The following DRP2 variants were observed in gnomAD, a reference collection of about 807,000 sequenced individuals.
DRP2 encodes dystrophin-related protein 2.
A neutral mutation model predicts 78.2 loss-of-function variants in DRP2; 29 were observed. That is an observed-to-expected ratio of 0.37 (90% CI 0.28 to 0.51). DRP2 has a LOEUF of 0.51. DRP2 is among the 20% of genes least tolerant of loss of function. The pLI is 0.94. For missense variants in DRP2, 686 were observed against 770.6 expected (o/e 0.89, Z 1.30); for synonymous variants, 290 against 281.9 (o/e 1.03, Z -0.29).
At chrX:101,255,111 G>T in intron 19 of DRP2, 73 bp from the exon 20 acceptor site, 3 of 1,119,090 alleles carry the variant, frequency 2.7e-6, no homozygotes, top group Non-Finnish European at 3.7e-6. Flanking sequence ...ATCCTGCTGT[G>T]AGATTAAAGT....
At position 101,254,648 on chromosome X, in the gene DRP2, A is replaced by T. The variant is rs376257298; in HGVS notation, c.2114+87A>T. On this transcript the variant is annotated intron_variant, in intron 18 of 23. Coordinates refer to ENST00000395209, the MANE Select transcript of DRP2 (RefSeq NM_001939.3). ...GAAGGGGCTGAGTCCCGAGTGGGCT[A>T]GGAGAATGTTCCAAGGTAAATCCCA... 2.7e-4 allele frequency: 319 copies of T among 1,164,057 alleles called. 5 individuals carry two copies. In the East Asian group the frequency reaches 3.9e-3, roughly 14 times the overall value.
intron 12 of DRP2, among the ~76,000 whole-genome samples, 182 bp downstream of exon 12, chrX:101,247,346 G>A (rs776909626): frequency 9.0e-6 from 1 of 111,209 alleles, no homozygotes; most frequent in African/African-American, 3.3e-5. Flanking sequence ...TTCCACTCTC[G>A]CTAGGCCCCA....
intron 15 of DRP2, 81 bp downstream of exon 15, chrX:101,250,661 G>A (rs1259648043): frequency 1.3e-5 from 14 of 1,114,996 alleles, no homozygotes; most frequent in Middle Eastern, 2.5e-4. Flanking sequence ...CTACGAGCTA[G>A]GCTTTTGATC....
intron 1 of DRP2, among the ~76,000 whole-genome samples, chrX:101,221,976 A>G (rs1569507371): frequency 1.8e-5 from 2 of 112,416 alleles, no homozygotes; most frequent in African/African-American, 6.5e-5. Context: ...TCCTTCTAGG[A>G]TAGCATTTAC....
chrX:101,229,236 G>A (rs1250266702), intron 2 of DRP2, among the ~76,000 whole-genome samples: 1 of 112,141 alleles, frequency 8.9e-6, no homozygotes, highest in East Asian at 2.8e-4. Flanking sequence ...GCCTCTTGTA[G>A]CCTTTATGCT....
rs768987957 is a variant in DRP2, at chrX:101,231,754, C to T, written c.107C>T (p.Pro36Leu). 11 of 1,203,563 alleles carry T rather than the reference C, an allele frequency of 9.1e-6. No individual in the cohort carries two copies. In the Admixed American group the frequency reaches 2.4e-4, roughly 27 times the overall value. The change falls in exon 3 of 24, where the codon CCC (proline) becomes CTC (leucine). Residue 36 changes from proline to leucine, a missense_variant. Physicochemically the swap from Pro to Leu is moderately conservative, Grantham distance 98. Around this residue, in one of 2 missense-constraint regions of DRP2, gnomAD observed 263 missense variants for 239.1 expected, o/e 1.10. Coordinates refer to ENST00000395209, the MANE Select transcript of DRP2 (RefSeq NM_001939.3). ...HHSSSLRSTC[P>L]HPQVRAAVTS... ...AGCAGCAGCCTCCGAAGCACCTGCCCCCACCCTCAGGTAAGAGTCTGATAG... is the reference window on the plus strand; with the variant it reads ...AGCAGCAGCCTCCGAAGCACCTGCCTCCACCCTCAGGTAAGAGTCTGATAG...
chrX:101,223,694 T>C (rs1921972727), intron 1 of DRP2, among the ~76,000 whole-genome samples: 1 of 112,479 alleles, frequency 8.9e-6, no homozygotes, highest in Non-Finnish European at 1.9e-5. Flanking sequence ...TTTTCTCCCA[T>C]GGGGATGCAT....
At position 101,256,130 on chromosome X, in the gene DRP2, G is replaced by A; in HGVS notation, c.2259G>A (p.Gln753=). The change falls in exon 21 of 24, where the codon CAG becomes CAA. Residue 753 remains glutamine, a synonymous_variant. Coordinates refer to ENST00000395209, the MANE Select transcript of DRP2 (RefSeq NM_001939.3). ...CACACCCATGCAGAGACGAGGACCAGTACCTGCTGCGGCACTCCAGCCCCA... is the reference window on the plus strand; with the variant it reads ...CACACCCATGCAGAGACGAGGACCAATACCTGCTGCGGCACTCCAGCCCCA... ...LSPDDSIDED[Q]YLLRHSSPIT... is the part of the protein sequence containing the mutation. 1 of 1,195,657 alleles carries A rather than the reference G, an allele frequency of 8.4e-7. No homozygotes were observed. The highest frequency in any genetic ancestry group is 1.7e-5 in the African/African-American group (1 of 57,295).
At chrX:101,255,360 T>A in intron 20 of DRP2, 111 bp downstream of exon 20, 2 of 779,126 alleles carry the variant, frequency 2.6e-6, no homozygotes, top group South Asian at 4.9e-5. Context: ...GTGGTTAGGA[T>A]CCTTAGCTCC....
chrX:101,264,011 A>G lies in DRP2; in HGVS notation c.*3390A>G. The stretch of plus-strand genomic sequence containing the variant: ...TCACATAGATGACAGAAAAGCAAGA[A>G]AGTAGCTGCCTTAACTCGAACAGTT... On this transcript the variant is annotated 3_prime_UTR_variant, in exon 24 of 24. Coordinates refer to ENST00000395209, the MANE Select transcript of DRP2 (RefSeq NM_001939.3). The G allele has an allele frequency of 8.9e-6, 1 of 112,124 alleles. No individual in the cohort carries two copies. The highest frequency in any genetic ancestry group is 1.9e-5 in the Non-Finnish European group (1 of 53,227). 9.2% of individuals were successfully genotyped at this position (112,124 alleles called of 1,213,427 possible).
Position 101,242,315 on chromosome X carries a change from G to C in DRP2, c.829-10G>C, listed in dbSNP as rs1922761826. On this transcript the variant is annotated splice_polypyrimidine_tract_variant and intron_variant, in intron 7 of 23. Coordinates refer to ENST00000395209, the MANE Select transcript of DRP2 (RefSeq NM_001939.3). ...CTGTCTGCTGTGGCACTTGGGTCCTGGTTCTCCAGCTGTTCAAAGAAGAAT... is the reference window on the plus strand; with the variant it reads ...CTGTCTGCTGTGGCACTTGGGTCCTCGTTCTCCAGCTGTTCAAAGAAGAAT... The C allele has an allele frequency of 8.3e-7, 1 of 1,206,675 alleles. No individual in the cohort carries two copies. Among genetic ancestry groups the C allele is most frequent in the Non-Finnish European group, 1.1e-6 (1 of 893,946 alleles).
intron 20 of DRP2, 84 bp downstream of exon 20, chrX:101,255,333 G>A: frequency 2.1e-6 from 2 of 966,421 alleles, no homozygotes; most frequent in Non-Finnish European, 2.9e-6. Context: ...ATATCCTCCA[G>A]GGAATGGGGG....
At chrX:101,253,760 C>T (rs962658747) in intron 17 of DRP2, among the ~76,000 whole-genome samples, 2 of 109,145 alleles carry the variant, frequency 1.8e-5, no homozygotes, top group Admixed American at 9.9e-5. Flanking sequence ...GACACAGAAA[C>T]GTGTGGCCTG....
intron 21 of DRP2, among the ~76,000 whole-genome samples, chrX:101,256,583 C>G (rs748200428): frequency 9.4e-6 from 1 of 106,856 alleles, no homozygotes; most frequent in Non-Finnish European, 1.9e-5. Flanking sequence ...GAGTCTCACT[C>G]TGTTGCCCAG....
At chrX:101,255,160 C>T (rs917692768) in intron 19 of DRP2, 24 bp from the exon 20 acceptor site, 2 of 1,204,132 alleles carry the variant, frequency 1.7e-6, no homozygotes, top group Non-Finnish European at 2.2e-6. Context: ...TGTTTTCTCT[C>T]CTGCCTCTGC....
intron 22 of DRP2, 75 bp downstream of exon 22, chrX:101,258,621 G>A: frequency 1.1e-6 from 1 of 931,398 alleles, no homozygotes; most frequent in Non-Finnish European, 1.5e-6. Context: ...GAGGGCTGTG[G>A]CAAAGAAGAC....
In DRP2 at chrX:101,220,316, C is replaced by G. The variant is rs955905856; in HGVS notation, c.-167+170C>G. Among the ~76,000 whole-genome samples, 4 of 85,031 alleles carry G rather than the reference C, an allele frequency of 4.7e-5. No homozygotes were observed. The East Asian group carries it at 1.3e-3, about 27-fold the overall frequency. The allele number at this position is 85,031 out of a possible 115,157, so 73.8% of individuals were successfully genotyped here. On this transcript the variant is annotated intron_variant, in intron 1 of 23. Transcript: ENST00000395209. ...GTGTGTGTGTGTGTGTGTGTGTGTA[C>G]GCGTGCCTGCCTGCGGTCTGCTTGC...
At chrX:101,231,423 G>A (rs1369331055) in intron 2 of DRP2, 162 bp from the exon 3 acceptor site, 1 of 418,354 alleles carries the variant, frequency 2.4e-6, no homozygotes. Context: ...TGCTTCCTTG[G>A]TCAATAATTA....
At chrX:101,232,165 G>A (rs1351208415) in intron 3 of DRP2, among the ~76,000 whole-genome samples, 4 of 110,836 alleles carry the variant, frequency 3.6e-5, no homozygotes, top group Admixed American at 1.9e-4. Flanking sequence ...TCCTGCCATC[G>A]GCTTTTCCTC....
Sources: allele counts gnomAD v4.1 joint callset (sites outside exome capture counted in the v4.1 genomes callset), GRCh38; gene constraint gnomAD v4.1.1; regional missense constraint gnomAD v4.1.1; transcripts MANE v1.5; gene names NCBI Gene and HGNC (gene_info 2026-07-23, HGNC 2026-07-21).